The following SGPP1 variants were observed in gnomAD, a reference collection of about 807,000 sequenced individuals.
SGPP1 encodes hSPP1.
Under a neutral mutation model 33.0 loss-of-function variants are expected in SGPP1, and 21 were observed. The observed-to-expected ratio is 0.64, with a 90% CI of 0.45 to 0.92. The LOEUF is 0.92. SGPP1 is among the 40% of genes least tolerant of loss of function. SGPP1 has a pLI of 0.00. For synonymous variants in SGPP1, 239 were observed against 241.2 expected, an observed-to-expected ratio of 0.99 and a Z score of 0.08; for missense variants, 543 against 589.4, an observed-to-expected ratio of 0.92 and a Z score of 0.81.
intron 1 of SGPP1, among the ~76,000 whole-genome samples, chr14:63,713,870 T>C (rs1340682992): frequency 6.6e-6 from 1 of 152,190 alleles, no homozygotes; most frequent in Non-Finnish European, 1.5e-5. Context: ...GGTGTGTCTG[T>C]GAGCATGTTT....
At chr14:63,689,278 G>T (rs370597642) in intron 2 of SGPP1, among the ~76,000 whole-genome samples, 3 of 152,120 alleles carry the variant, frequency 2.0e-5, no homozygotes, top group Admixed American at 6.5e-5. Flanking sequence ...TTGCAAGCAT[G>T]AATTTTGGCT....
Position 63,728,042 on chromosome 14 carries a change from A to C in SGPP1, c.-98T>G, listed in dbSNP as rs1411156390. 1 of 1,263,930 alleles carries C rather than the reference A, an allele frequency of 7.9e-7. No homozygotes were observed. The allele number at this position is 1,263,930 out of a possible 1,614,324, so 78.3% of individuals were successfully genotyped here. On this transcript the variant is annotated 5_prime_UTR_variant, in exon 1 of 3. Transcript: ENST00000247225. ...GGCAGCGGAACCGGCACAGCGCTCT[A>C]CCCTCCGGAGTCTGCCGGGTGACGG...
intron 1 of SGPP1, among the ~76,000 whole-genome samples, chr14:63,702,180 A>G (rs1885313989): frequency 6.6e-6 from 1 of 152,164 alleles, no homozygotes; most frequent in Non-Finnish European, 1.5e-5. Context: ...ACCCACATTT[A>G]TTCAATTTTA....
At chr14:63,689,655 G>A (rs1196733086) in intron 2 of SGPP1, among the ~76,000 whole-genome samples, 2 of 152,056 alleles carry the variant, frequency 1.3e-5, no homozygotes, top group Non-Finnish European at 2.9e-5. Flanking sequence ...AATTAGCCGG[G>A]TGTGGTGGCA....
In SGPP1 at chr14:63,721,187, T is replaced by G. The variant is rs117598002; in HGVS notation, c.684+6074A>C. ...CGTGAGCCACAGCACCCAGCCTAAT[T>G]TCTGTATTTTTAGTAGAGACAGGCA... On this transcript the variant is annotated intron_variant, in intron 1 of 2. Coordinates refer to ENST00000247225, the MANE Select transcript of SGPP1 (RefSeq NM_030791.4). 5.5e-4 allele frequency among the ~76,000 whole-genome samples: 84 copies of G among 152,302 alleles called. 1 individual carries two copies. The East Asian group carries it at 0.011, about 20-fold the overall frequency.
At chr14:63,720,008 C>G (rs982939601) in intron 1 of SGPP1, among the ~76,000 whole-genome samples, 1 of 151,330 alleles carries the variant, frequency 6.6e-6, no homozygotes, top group Non-Finnish European at 1.5e-5. Context: ...TGCCGGTAAT[C>G]CCAGCTACTC....
At chr14:63,707,750 TTAAG>T (rs1170217285) in intron 1 of SGPP1, among the ~76,000 whole-genome samples, 1 of 152,020 alleles carries the variant, frequency 6.6e-6, no homozygotes, top group African/African-American at 2.4e-5. Flanking sequence ...CAAGCCCTTA[TTAAG>T]TATTTTTTTA....
chr14:63,721,436 T>C (rs931886305), intron 1 of SGPP1, among the ~76,000 whole-genome samples: 1 of 151,742 alleles, frequency 6.6e-6, no homozygotes, highest in African/African-American at 2.4e-5. Context: ...AGAACAAGAC[T>C]TCGTATCCAG....
intron 2 of SGPP1, among the ~76,000 whole-genome samples, chr14:63,693,135 G>A (rs961709145): frequency 6.6e-6 from 1 of 152,148 alleles, no homozygotes; most frequent in African/African-American, 2.4e-5. Context: ...GTTTTGCCAT[G>A]TTGCCCAGGT....
rs372510510 is a variant in SGPP1 at position 63,698,649 on chromosome 14, T to C, written c.694A>G (p.Ile232Val). The change falls in exon 2 of 3, where the codon ATA becomes GTA. Residue 232 changes from isoleucine to valine, a missense_variant. By Grantham distance (29) the Ile-to-Val change is conservative. Coordinates refer to ENST00000247225, the MANE Select transcript of SGPP1 (RefSeq NM_030791.4). ...LTYGRWQYPLIYGLILIPCWC... is the reference protein window; with the variant it reads ...LTYGRWQYPLVYGLILIPCWC... ...CAGGGAATAAGAATCAGTCCATATA[T>C]AAGAGGGTACTAAAGGGGAAAAAAA... 49 of 1,581,014 alleles carry C rather than the reference T, an allele frequency of 3.1e-5. No homozygotes were observed. The highest frequency in any genetic ancestry group is 4.2e-5 in the Non-Finnish European group (49 of 1,165,164).
rs1222765668 is a variant in SGPP1 at position 63,727,848 on chromosome 14, G to A, written c.97C>T (p.Pro33Ser). The A allele has an allele frequency of 3.9e-6, 6 of 1,519,700 alleles. No homozygotes were observed. The Admixed American group carries it at 1.0e-4, about 25-fold the overall frequency. The allele number at this position is 1,519,700 out of a possible 1,614,324, so 94.1% of individuals were successfully genotyped here. A position where few individuals can be genotyped will look rare whatever the true frequency, so the allele number is the denominator to read the frequency against. The change falls in exon 1 of 3, where the codon CCG becomes TCG. Residue 33 changes from proline to serine, a missense_variant. By Grantham distance (74) the Pro-to-Ser change is moderately conservative. Coordinates refer to ENST00000247225, the MANE Select transcript of SGPP1 (RefSeq NM_030791.4). ...FQRLCGVEAP[P>S]RRSADRREDE... ...TCCCTCCGGTCTGCTGAGCGGCGCG[G>A]CGGCGCTTCCACCCCGCACAGCCGC...
rs189849116 is a variant in SGPP1, at chr14:63,697,886, T to C, written c.774+683A>G. Among the ~76,000 whole-genome samples, 672 of 152,330 alleles carry C rather than the reference T, an allele frequency of 4.4e-3. 4 individuals carry two copies. Among genetic ancestry groups the C allele is most frequent in the African/African-American group, 0.015 (638 of 41,576 alleles). ...TGTTTTGGAAAGTCTACGAAACAGCTGAATGCTAGTGGAGCAGTGTCAAAC... is the reference window on the plus strand; with the variant it reads ...TGTTTTGGAAAGTCTACGAAACAGCCGAATGCTAGTGGAGCAGTGTCAAAC... On this transcript the variant is annotated intron_variant, in intron 2 of 2. Coordinates refer to ENST00000247225, the MANE Select transcript of SGPP1 (RefSeq NM_030791.4).
chr14:63,712,511 T>C (rs546983855), intron 1 of SGPP1, among the ~76,000 whole-genome samples: 5 of 152,178 alleles, frequency 3.3e-5, no homozygotes, highest in Non-Finnish European at 2.9e-5. Flanking sequence ...TTGGCTGTGC[T>C]GAGCCAGTCA....
chr14:63,687,328 C>T (rs968462801), intron 2 of SGPP1, among the ~76,000 whole-genome samples: 2 of 152,094 alleles, frequency 1.3e-5, no homozygotes, highest in African/African-American at 4.8e-5. Flanking sequence ...GTGATCCCAG[C>T]TACTTGGGGA....
intron 1 of SGPP1, among the ~76,000 whole-genome samples, chr14:63,719,735 C>CTA (rs1396700687): frequency 2.8e-5 from 4 of 141,454 alleles, no homozygotes; most frequent in African/African-American, 9.3e-5. Flanking sequence ...CCCTCTCTCT[C>CTA]TCTATATATA....
At chr14:63,715,216 C>T (rs1350024895) in intron 1 of SGPP1, among the ~76,000 whole-genome samples, 2 of 150,218 alleles carry the variant, frequency 1.3e-5, no homozygotes, top group Non-Finnish European at 1.5e-5. Flanking sequence ...GGTTTCACCA[C>T]GTTGGCCAGG....
At chr14:63,693,305 A>G (rs756500139) in intron 2 of SGPP1, among the ~76,000 whole-genome samples, 3 of 152,236 alleles carry the variant, frequency 2.0e-5, no homozygotes, top group Non-Finnish European at 4.4e-5. Flanking sequence ...TTTGTTTGCT[A>G]TCTTACCCTT....
intron 2 of SGPP1, among the ~76,000 whole-genome samples, 155 bp from the exon 3 acceptor site, chr14:63,686,811 G>A (rs954349814): frequency 4.0e-5 from 6 of 149,332 alleles, no homozygotes; most frequent in African/African-American, 1.0e-4. Flanking sequence ...GACCATATAA[G>A]AGGCACTAAA....
At chr14:63,718,968 A>G (rs1419961171) in intron 1 of SGPP1, among the ~76,000 whole-genome samples, 1 of 101,804 alleles carries the variant, frequency 9.8e-6, no homozygotes, top group African/African-American at 4.1e-5. Context: ...ATTCATATAT[A>G]TGTATATACA....
Sources: allele counts gnomAD v4.1 joint callset (sites outside exome capture counted in the v4.1 genomes callset), GRCh38; gene constraint gnomAD v4.1.1; transcripts MANE v1.5; gene names NCBI Gene and HGNC (gene_info 2026-07-23, HGNC 2026-07-21).